The following ELFN1 variants were observed in gnomAD, a reference collection of about 807,000 sequenced individuals.
ELFN1 encodes extracellular leucine rich repeat and fibronectin type III domain containing 1.
ELFN1 carries 6 observed loss-of-function variants against 7.6 expected under a neutral mutation model. That is an observed-to-expected ratio of 0.79 (90% CI 0.43 to 1.56). The LOEUF (loss-of-function observed/expected upper bound fraction) is 1.56. Ranked by LOEUF, ELFN1 falls within the 40% of genes most tolerant of loss-of-function variation. The pLI is 0.01. For missense variants in ELFN1, 1,169 were observed against 1,232.2 expected, an observed-to-expected ratio of 0.95 and a Z score of 0.77; for synonymous variants, 657 against 588.1, an observed-to-expected ratio of 1.12 and a Z score of -1.70.
chr7:1,731,682 C>T lies in ELFN1; in HGVS notation c.-293-12622C>T, dbSNP rs982719550. Among the ~76,000 whole-genome samples the T allele has an allele frequency of 4.6e-5, 7 of 152,334 alleles. No homozygotes were observed. The South Asian group carries it at 6.2e-4, about 14-fold the overall frequency. ...TTATATATTTTTTGAGACGGAGTCT[C>T]GCTCTGTCGCCCAGGCTGGGGTGCA... On this transcript the variant is annotated intron_variant, in intron 3 of 3. Transcript: ENST00000424383.
chr7:1,726,866 C>G (rs1780212629), intron 3 of ELFN1, among the ~76,000 whole-genome samples: 1 of 152,190 alleles, frequency 6.6e-6, no homozygotes, highest in Non-Finnish European at 1.5e-5. Context: ...GTAGGGGACC[C>G]ATGTCTGCTG....
At chr7:1,742,184 T>G (rs1255703092) in intron 3 of ELFN1, 1 of 152,314 alleles carries the variant, frequency 6.6e-6, no homozygotes, top group African/African-American at 2.4e-5. Flanking sequence ...TGGTGAGGGC[T>G]CTTAGGCCCT....
At chr7:1,727,662 G>T (rs1043519360) in intron 3 of ELFN1, among the ~76,000 whole-genome samples, 26 of 152,144 alleles carry the variant, frequency 1.7e-4, no homozygotes, top group Admixed American at 6.5e-5. Flanking sequence ...AGGGTGGCAT[G>T]CAATGGTGTG....
At chr7:1,686,204 TTTG>T (rs1046183304) in intron 1 of ELFN1, among the ~76,000 whole-genome samples, 3 of 151,502 alleles carry the variant, frequency 2.0e-5, no homozygotes, top group Admixed American at 6.6e-5. Flanking sequence ...ATTGCTGGGT[TTTG>T]TTGTTGTTGT....
chr7:1,709,590 G>A (rs1779607689), intron 3 of ELFN1, among the ~76,000 whole-genome samples: 1 of 152,254 alleles, frequency 6.6e-6, no homozygotes, highest in South Asian at 2.1e-4. Flanking sequence ...CTGAGGATTA[G>A]AGGAGACTTC....
upstream of ELFN1, among the ~76,000 whole-genome samples, chr7:1,667,388 C>T (rs1778687235): frequency 6.6e-6 from 1 of 152,170 alleles, no homozygotes; most frequent in South Asian, 2.1e-4. The surrounding 1 kb of genome is among the most constrained non-coding windows in gnomAD (Gnocchi z 8.2). Context: ...CTGGGGGCAG[C>T]TTCGGGGGTT....
At chr7:1,667,495 T>G (rs1473872464), upstream of ELFN1, among the ~76,000 whole-genome samples, 1 of 152,058 alleles carries the variant, frequency 6.6e-6, no homozygotes, top group Non-Finnish European at 1.5e-5. This position sits in a 1 kb window ranked among gnomAD's most constrained non-coding sequence, Gnocchi z 8.2. Flanking sequence ...GCGTCCCCCC[T>G]TCAGCGTCGC....
intron 3 of ELFN1, among the ~76,000 whole-genome samples, chr7:1,712,329 C>T (rs975324038): frequency 6.6e-6 from 1 of 152,146 alleles, no homozygotes; most frequent in Non-Finnish European, 1.5e-5. Flanking sequence ...ACCCCGTTAG[C>T]CAGGGTGGTC....
intron 3 of ELFN1, among the ~76,000 whole-genome samples, chr7:1,714,037 G>T (rs1779750876): frequency 6.6e-6 from 1 of 152,186 alleles, no homozygotes; most frequent in East Asian, 1.9e-4. Flanking sequence ...GGCTCCCCGA[G>T]TCCCCGCATT....
intron 3 of ELFN1, among the ~76,000 whole-genome samples, chr7:1,742,906 C>CTA (rs1359144695): frequency 1.3e-5 from 2 of 152,214 alleles, no homozygotes; most frequent in African/African-American, 4.8e-5. Context: ...TAGTTGCAAA[C>CTA]GTCAATATCA....
In ELFN1 at chr7:1,685,509, C is replaced by T. The variant is rs1779047211; in HGVS notation, c.-548-2549C>T. Among the ~76,000 whole-genome samples, 2 of 152,198 alleles carry T rather than the reference C, an allele frequency of 1.3e-5. 1 individual carries two copies. The highest frequency in any genetic ancestry group is 4.1e-4 in the South Asian group (2 of 4,822). On this transcript the variant is annotated intron_variant, in intron 1 of 3. Coordinates refer to ENST00000424383, the MANE Select transcript of ELFN1 (RefSeq NM_001128636.4). ...AGTTTATTTTTCTGTTCAGTTTTTT[C>T]TCTGTGTTCTTTAGATTGAATACTT... is the stretch of plus-strand genomic sequence containing the variant.
rs1250770368 is a variant in ELFN1, at chr7:1,695,947, G to A, written c.-456+7797G>A. Among the ~76,000 whole-genome samples the A allele has an allele frequency of 1.3e-5, 2 of 152,086 alleles. No homozygotes were observed. The highest frequency in any genetic ancestry group is 1.3e-4 in the Admixed American group (2 of 15,270). On this transcript the variant is annotated intron_variant, in intron 2 of 3. Transcript: ENST00000424383. The surrounding 1 kb of genome is among the most constrained non-coding windows in gnomAD (Gnocchi z 5.1). Reference sequence around the variant, plus strand: ...GCCCCAGGCTGGTTTAGATGTGGGGGCACAGCAGTGAGCAGGGCAGACCTG... The same window carrying A: ...GCCCCAGGCTGGTTTAGATGTGGGGACACAGCAGTGAGCAGGGCAGACCTG...
rs1214513533 is a variant in ELFN1, at chr7:1,746,282, G to A, written c.1686G>A (p.Val562=). The change falls in exon 4 of 4, where the codon GTG becomes GTA. Residue 562 remains valine (V), a synonymous_variant. Coordinates refer to ENST00000424383, the MANE Select transcript of ELFN1 (RefSeq NM_001128636.4). ...VAEISTIAKE[V]DKVNQIINNC... ...AGATCTCCACCATCGCCAAGGAGGT[G>A]GACAAGGTCAACCAGATCATCAACA... 6.3e-6 allele frequency: 10 copies of A among 1,596,052 alleles called. No homozygotes were observed. Among genetic ancestry groups the A allele is most frequent in the Non-Finnish European group, 8.5e-6 (10 of 1,172,464 alleles).
intron 1 of ELFN1, among the ~76,000 whole-genome samples, chr7:1,676,926 G>C (rs1278003745): frequency 6.6e-6 from 1 of 152,176 alleles, no homozygotes; most frequent in Non-Finnish European, 1.5e-5. Context: ...GCATCCCTCT[G>C]ATGTCGACGG....
chr7:1,726,186 C>T (rs1008510011), intron 3 of ELFN1, among the ~76,000 whole-genome samples: 1 of 152,198 alleles, frequency 6.6e-6, no homozygotes, highest in Non-Finnish European at 1.5e-5. Flanking sequence ...GTCCTGACCC[C>T]TCCTTGCCCT....
chr7:1,725,154 G>C (rs1454176105), intron 3 of ELFN1, among the ~76,000 whole-genome samples: 3 of 152,264 alleles, frequency 2.0e-5, no homozygotes, highest in Admixed American at 6.5e-5. Context: ...AGGGGAAGCA[G>C]GTGACCCTGA....
In ELFN1 at chr7:1,673,089, C is replaced by G. The variant is rs556913972; in HGVS notation, c.-549+2735C>G. Among the ~76,000 whole-genome samples, 3 of 92,984 alleles carry G rather than the reference C, an allele frequency of 3.2e-5. No individual in the cohort carries two copies. The highest frequency in any genetic ancestry group is 2.8e-4 in the African/African-American group (3 of 10,622). The allele number at this position is 92,984 out of a possible 152,430, so 61.0% of individuals were successfully genotyped here. A position where few individuals can be genotyped will look rare whatever the true frequency, so the allele number is the denominator to read the frequency against. ...TACATTTGTCATCTCTCCAGCGCCC[C>G]CCCCCGCTCTTTCCTTTTTGTTTTT... On this transcript the variant is annotated intron_variant, in intron 1 of 3. Coordinates refer to ENST00000424383, the MANE Select transcript of ELFN1 (RefSeq NM_001128636.4). This position sits in a 1 kb window ranked among gnomAD's most constrained non-coding sequence, Gnocchi z 4.7.
intron 3 of ELFN1, among the ~76,000 whole-genome samples, chr7:1,725,912 C>T (rs1780180433): frequency 6.6e-6 from 1 of 150,376 alleles, no homozygotes; most frequent in African/African-American, 2.4e-5. Flanking sequence ...ACACAAAAAT[C>T]ACACACAACA....
intron 3 of ELFN1, among the ~76,000 whole-genome samples, chr7:1,716,480 C>T (rs562233333): frequency 1.6e-4 from 25 of 152,356 alleles, no homozygotes; most frequent in Admixed American, 1.2e-3. Flanking sequence ...TGCCGCTGGA[C>T]GTGGGCGTAT....
Sources: allele counts gnomAD v4.1 joint callset (sites outside exome capture counted in the v4.1 genomes callset), GRCh38; gene constraint gnomAD v4.1.1; non-coding constraint Gnocchi (gnomAD v3.1); transcripts MANE v1.5; gene names NCBI Gene and HGNC (gene_info 2026-07-23, HGNC 2026-07-21).